Variants in SLFN5 observed in about 807,000 individuals in gnomAD.
SLFN5 encodes schlafen family member 5.
Under a neutral mutation model 48.5 loss-of-function variants are expected in SLFN5, and 34 were observed. The ratio of observed to expected loss-of-function variants is 0.70; its 90% confidence interval spans 0.53 to 0.93. The LOEUF (loss-of-function observed/expected upper bound fraction) is 0.93, where lower values mean the gene tolerates loss of function less well. Among genes scored for constraint, SLFN5 ranks in the 40% least tolerant of loss-of-function variants. The pLI is 0.00. For synonymous variants in SLFN5, 387 were observed against 396.2 expected, an observed-to-expected ratio of 0.98 and a Z score of 0.28; for missense variants, 1,006 against 1,071.3, an observed-to-expected ratio of 0.94 and a Z score of 0.85.
intron 1 of SLFN5, among the ~76,000 whole-genome samples, chr17:35,250,759 C>A (rs769269480): frequency 6.6e-6 from 1 of 151,966 alleles, no homozygotes; most frequent in Non-Finnish European, 1.5e-5. Flanking sequence ...GTTCAGAGAA[C>A]AAGGAAGCCT....
Position 35,259,687 on chromosome 17 carries a change from A to T in SLFN5, c.997A>T (p.Met333Leu), listed in dbSNP as rs966731529. Reference sequence around the variant, plus strand: ...CACAAGAGAATGGACTGCTTGGATGATGGAAGCTGACCCAGGTTAGGGAGC... The same window carrying T: ...CACAAGAGAATGGACTGCTTGGATGTTGGAAGCTGACCCAGGTTAGGGAGC... ...LPTREWTAWM[M>L]EADPDLSRCP... Residue 333 changes from methionine (M) to leucine (L), a missense_variant, in exon 2 of 5, where the codon ATG becomes TTG. Met to Leu is a conservative substitution (Grantham distance 15). Transcript: ENST00000299977. 6.3e-7 allele frequency: 1 copy of T among 1,599,726 alleles called. No individual in the cohort carries two copies. The highest frequency in any genetic ancestry group is 1.7e-5 in the Admixed American group (1 of 60,006).
At position 35,259,553 on chromosome 17, in the gene SLFN5, C is replaced by T; in HGVS notation, c.863C>T (p.Ala288Val). 6.2e-7 allele frequency: 1 copy of T among 1,613,964 alleles called. No homozygotes were observed. The highest frequency in any genetic ancestry group is 1.1e-5 in the South Asian group (1 of 91,082). Residue 288 changes from alanine to valine, a missense_variant, in exon 2 of 5, where the codon GCC becomes GTC. Ala to Val is a moderately conservative substitution (Grantham distance 64). Coordinates refer to ENST00000299977, the MANE Select transcript of SLFN5 (RefSeq NM_144975.4). ...TTCCTTGAAGTGCATGATAAGGGGG[C>T]CCTCCGTGGATATGTCTGTGCAATC... ...LNFLEVHDKGALRGYVCAIKV... is the reference protein window; with the variant it reads ...LNFLEVHDKGVLRGYVCAIKV...
At position 35,271,376 on chromosome 17, in the gene SLFN5, C is replaced by A. The variant is rs1437016905; in HGVS notation, c.*5488C>A. On this transcript the variant is annotated 3_prime_UTR_variant, in exon 5 of 5. Transcript: ENST00000299977. ...AGTGGTTTTAAGAAGGAAAGGAGAA[C>A]AAATAAATTAGTGAAACATAAGGTT... The A allele has an allele frequency of 6.6e-6, 1 of 151,968 alleles. No homozygotes were observed. Among genetic ancestry groups the A allele is most frequent in the East Asian group, 1.9e-4 (1 of 5,188 alleles). 9.4% of individuals were successfully genotyped at this position (151,968 alleles called of 1,614,324 possible).
intron 2 of SLFN5, chr17:35,259,954 G>A: frequency 2.1e-6 from 1 of 466,940 alleles, no homozygotes; most frequent in Non-Finnish European, 3.8e-6. Flanking sequence ...CTGGTGCAGG[G>A]GGCTGTTTGA....
Position 35,247,242 on chromosome 17 carries a change from C to G in SLFN5, c.-41+4099C>G, listed in dbSNP as rs185789879. Among the ~76,000 whole-genome samples, 10 of 152,312 alleles carry G rather than the reference C, an allele frequency of 6.6e-5. No homozygotes were observed. The East Asian group carries it at 1.9e-3, about 29-fold the overall frequency. ...TGCTTCCAACTTCCCTACGACAACA[C>G]CCTTGAATCATATCATACCTGAGCA... On this transcript the variant is annotated intron_variant, in intron 1 of 4. Coordinates refer to ENST00000299977, the MANE Select transcript of SLFN5 (RefSeq NM_144975.4).
intron 1 of SLFN5, among the ~76,000 whole-genome samples, chr17:35,245,984 C>T (rs2092429800): frequency 6.6e-6 from 1 of 152,156 alleles, no homozygotes; most frequent in South Asian, 2.1e-4. Flanking sequence ...ATGCCCATTC[C>T]TTCACATCTT....
Position 35,269,373 on chromosome 17 carries a change from T to C in SLFN5, c.*3485T>C, listed in dbSNP as rs1263344376. 2 of 152,184 alleles carry C rather than the reference T, an allele frequency of 1.3e-5. No homozygotes were observed. The highest frequency in any genetic ancestry group is 4.8e-5 in the African/African-American group (2 of 41,446). The allele number at this position is 152,184 out of a possible 1,614,324, so 9.4% of individuals were successfully genotyped here. On this transcript the variant is annotated 3_prime_UTR_variant, in exon 5 of 5. Coordinates refer to ENST00000299977, the MANE Select transcript of SLFN5 (RefSeq NM_144975.4). ...CATTCACATGTATATAATTAAGATA[T>C]ATAGGAATTATAATTACAGAAAAGA...
intron 1 of SLFN5, among the ~76,000 whole-genome samples, chr17:35,243,523 T>C (rs2092423790): frequency 6.6e-6 from 1 of 152,184 alleles, no homozygotes; most frequent in African/African-American, 2.4e-5. Context: ...TGAAGTTAAA[T>C]GGGTTGTGGC....
intron 1 of SLFN5, among the ~76,000 whole-genome samples, chr17:35,247,391 C>T (rs2092433284): frequency 6.6e-6 from 1 of 152,188 alleles, no homozygotes; most frequent in South Asian, 2.1e-4. Context: ...TGCTTGTTCT[C>T]ATCCAGGCAG....
rs764199560 is a variant in SLFN5 at position 35,259,658 on chromosome 17, T to C, written c.968T>C (p.Leu323Ser). 8 of 1,601,560 alleles carry C rather than the reference T, an allele frequency of 5.0e-6. No individual in the cohort carries two copies. Among genetic ancestry groups the C allele is most frequent in the Non-Finnish European group, 6.8e-6 (8 of 1,179,848 alleles). The change falls in exon 2 of 5, where the codon TTG becomes TCG. Residue 323 changes from leucine (L) to serine (S), a missense_variant. Coordinates refer to ENST00000299977, the MANE Select transcript of SLFN5 (RefSeq NM_144975.4). ...WQVKDNRVRQ[L>S]PTREWTAWMM... ...GTGAAGGACAACCGTGTGAGACAAT[T>C]GCCCACAAGAGAATGGACTGCTTGG...
At chr17:35,251,323 C>G (rs2092441832) in intron 1 of SLFN5, among the ~76,000 whole-genome samples, 1 of 152,202 alleles carries the variant, frequency 6.6e-6, no homozygotes, top group South Asian at 2.1e-4. Flanking sequence ...ATGCTTCTGC[C>G]AAACTAGCTC....
At chr17:35,253,565 T>C (rs1395831558) in intron 1 of SLFN5, among the ~76,000 whole-genome samples, 1 of 152,000 alleles carries the variant, frequency 6.6e-6, no homozygotes, top group Non-Finnish European at 1.5e-5. Flanking sequence ...TAAGAACTCG[T>C]TATCCCATTA....
Position 35,265,298 on chromosome 17 carries a change from C to T in SLFN5, c.2086C>T (p.Leu696Phe), listed in dbSNP as rs1225412509. 1.5e-5 allele frequency: 25 copies of T among 1,614,010 alleles called. No individual in the cohort carries two copies. The highest frequency in any genetic ancestry group is 2.1e-5 in the Non-Finnish European group (25 of 1,180,030). ...FQTYHLSCSG[L>F]PPPSDQYPRE... The stretch of plus-strand genomic sequence containing the variant: ...GACCTATCACTTGAGTTGCAGTGGC[C>T]TCCCCCCTCCCTCAGACCAGTATCC... Residue 696 changes from leucine (L) to phenylalanine (F), a missense_variant, in exon 5 of 5, where the codon CTC becomes TTC. Transcript: ENST00000299977.
chr17:35,251,963 G>GA (rs2092443609), intron 1 of SLFN5, among the ~76,000 whole-genome samples: 1 of 151,900 alleles, frequency 6.6e-6, no homozygotes, highest in Non-Finnish European at 1.5e-5. Flanking sequence ...ATCCACCCAT[G>GA]AAAAAATCTG....
chr17:35,256,849 C>A (rs12603702), intron 1 of SLFN5, among the ~76,000 whole-genome samples: 1 of 151,860 alleles, frequency 6.6e-6, no homozygotes, highest in Non-Finnish European at 1.5e-5. Context: ...CCCCCTGGCC[C>A]TGGACCAGTA....
rs1904757091 is a variant in SLFN5 at position 35,268,500 on chromosome 17, T to A, written c.*2612T>A. 1 of 152,276 alleles carries A rather than the reference T, an allele frequency of 6.6e-6. No individual in the cohort carries two copies. Among genetic ancestry groups the A allele is most frequent in the African/African-American group, 2.4e-5 (1 of 41,432 alleles). The allele number at this position is 152,276 out of a possible 1,614,324, so 9.4% of individuals were successfully genotyped here. ...GGTAGGCCAAGGCAGGTGGATCACC[T>A]GAGGTCAGGAGTTCAAGTCCAGCCT... is the stretch of plus-strand genomic sequence containing the variant. On this transcript the variant is annotated 3_prime_UTR_variant, in exon 5 of 5. Coordinates refer to ENST00000299977, the MANE Select transcript of SLFN5 (RefSeq NM_144975.4).
chr17:35,260,866 C>CT, intron 2 of SLFN5, 105 bp from the exon 3 acceptor site: 1 of 1,397,358 alleles, frequency 7.2e-7, no homozygotes. Context: ...ATCTGTGGGC[C>CT]GTGGCTTGAG....
intron 1 of SLFN5, among the ~76,000 whole-genome samples, chr17:35,247,604 A>C (rs1437680128): frequency 2.0e-5 from 3 of 152,124 alleles, no homozygotes; most frequent in African/African-American, 7.2e-5. Context: ...ACTGATTCTC[A>C]TTTGATACCC....
chr17:35,266,177 T>TGTGTGTGTGTGTGTGCGC lies in SLFN5; in HGVS notation c.*290_*291insTGTGTGTGTGTGTGCGCG, dbSNP rs35160124. 3.4e-3 allele frequency: 585 copies of TGTGTGTGTGTGTGTGCGC among 173,388 alleles called. 5 individuals are homozygous for TGTGTGTGTGTGTGTGCGC. Among genetic ancestry groups the TGTGTGTGTGTGTGTGCGC allele is most frequent in the Middle Eastern group, 5.6e-3 (2 of 354 alleles). 10.7% of individuals were successfully genotyped at this position (173,388 alleles called of 1,614,324 possible). On this transcript the variant is annotated 3_prime_UTR_variant, in exon 5 of 5. Coordinates refer to ENST00000299977, the MANE Select transcript of SLFN5 (RefSeq NM_144975.4). ...GTGTGTGTGTGTGTGTGTGTGTGTG[T>TGTGTGTGTGTGTGTGCGC]GCGCGCGCGCACGTGCACATGTGTG...
Sources: allele counts gnomAD v4.1 joint callset (sites outside exome capture counted in the v4.1 genomes callset), GRCh38; gene constraint gnomAD v4.1.1; transcripts MANE v1.5; gene names NCBI Gene and HGNC (gene_info 2026-07-23, HGNC 2026-07-21).